Variants in RASEF observed in about 807,000 individuals in gnomAD.
The protein encoded by RASEF is RAS and EF-hand domain containing, also known as ras and EF-hand domain-containing protein.
A neutral mutation model predicts 90.1 loss-of-function variants in RASEF; 68 were observed. The ratio of observed to expected loss-of-function variants is 0.75; its 90% CI spans 0.62 to 0.92. The LOEUF (loss-of-function observed/expected upper bound fraction) is 0.92, where lower values mean the gene tolerates loss of function less well. Ranked by LOEUF, RASEF falls within the 40% of genes least tolerant of loss-of-function variation. RASEF has a pLI of 0.00. For missense variants in RASEF, 949 were observed against 937.2 expected (o/e 1.01, Z -0.16); for synonymous variants, 331 against 345.2 (o/e 0.96, Z 0.46).
chr9:83,093,193 G>A, the RASEF span, among the ~76,000 whole-genome samples: 1 of 152,192 alleles, frequency 6.6e-6, no homozygotes. Context: ...AGACATAAAG[G>A]TTCTCCACCT....
intron 1 of RASEF, among the ~76,000 whole-genome samples, chr9:83,059,648 C>G (rs1255932565): frequency 6.6e-6 from 1 of 152,156 alleles, no homozygotes; most frequent in African/African-American, 2.4e-5. Context: ...ACTTCCAGGA[C>G]TTTTCTTGGC....
At chr9:82,997,486 A>T (rs2118423740) in intron 13 of RASEF, among the ~76,000 whole-genome samples, 1 of 152,274 alleles carries the variant, frequency 6.6e-6, no homozygotes, top group South Asian at 2.1e-4. Flanking sequence ...CTGGAAGGAG[A>T]TACGAACTAG....
intron 16 of RASEF, among the ~76,000 whole-genome samples, chr9:82,984,745 A>G (rs1398464604): frequency 2.0e-5 from 3 of 152,206 alleles, no homozygotes; most frequent in Non-Finnish European, 4.4e-5. Context: ...CATTACAAGG[A>G]CAACGGAAGA....
chr9:83,080,181 T>C, the RASEF span, among the ~76,000 whole-genome samples: 2 of 152,282 alleles, frequency 1.3e-5, no homozygotes, highest in Non-Finnish European at 2.9e-5. Context: ...ATGCAAAAAT[T>C]ATGGAACTGT....
intron 1 of RASEF, among the ~76,000 whole-genome samples, chr9:83,028,318 C>T (rs1173097383): frequency 6.6e-6 from 1 of 152,150 alleles, no homozygotes; most frequent in African/African-American, 2.4e-5. Flanking sequence ...TGTCTCCTGC[C>T]CCTGACATGG....
chr9:83,197,982 G>A, the RASEF span, among the ~76,000 whole-genome samples: 2 of 152,170 alleles, frequency 1.3e-5, no homozygotes, highest in Admixed American at 6.5e-5. Flanking sequence ...ACTTATCAGA[G>A]AGAATCATCT....
chr9:83,147,042 A>G, the RASEF span, among the ~76,000 whole-genome samples: 49,259 of 109,588 alleles, frequency 0.45, 8,511 homozygotes, highest in Middle Eastern at 0.5. Flanking sequence ...ATATATATGT[A>G]TATATATATA....
the RASEF span, among the ~76,000 whole-genome samples, chr9:83,137,451 T>C: frequency 6.6e-6 from 1 of 152,224 alleles, no homozygotes; most frequent in African/African-American, 2.4e-5. Flanking sequence ...TAAAAGTTAA[T>C]CTTGAAAAAC....
chr9:83,193,704 C>T, the RASEF span, among the ~76,000 whole-genome samples: 1 of 152,228 alleles, frequency 6.6e-6, no homozygotes, highest in South Asian at 2.1e-4. Flanking sequence ...CTAGGAGAAT[C>T]ATATATATCT....
At position 82,982,844 on chromosome 9, in the gene RASEF, G is replaced by A. The variant is rs570531394; in HGVS notation, c.2118-62C>T. ...GAGAGAGAGAGAGAGGATTACTGAG[G>A]TATAAAAACTAAGCCACAGATGGTT... On this transcript the variant is annotated intron_variant, in intron 16 of 16. Transcript: ENST00000376447. 420 of 948,184 alleles carry A rather than the reference G, an allele frequency of 4.4e-4. 6 individuals carry two copies. In the East Asian group the frequency reaches 9.8e-3, roughly 22 times the overall value. The allele number at this position is 948,184 out of a possible 1,614,324, so 58.7% of individuals were successfully genotyped here. A position where few individuals can be genotyped will look rare whatever the true frequency, so the allele number is the denominator to read the frequency against.
chr9:83,017,253 A>G (rs1829357805), intron 3 of RASEF, among the ~76,000 whole-genome samples: 1 of 150,436 alleles, frequency 6.6e-6, no homozygotes, highest in Non-Finnish European at 1.5e-5. Flanking sequence ...TGGGAGGCCG[A>G]GGCGGGTGGA....
rs534940085 is a variant in RASEF, at chr9:83,028,317, C to A, written c.432-2396G>T. Among the ~76,000 whole-genome samples the A allele has an allele frequency of 2.0e-5, 3 of 152,318 alleles. No homozygotes were observed. In the South Asian group the frequency reaches 6.2e-4, roughly 32 times the overall value. Reference sequence around the variant, plus strand: ...AATGCACAACAACTTCTGTCTCCTGCCCCTGACATGGAGAGATTACTCTTC... The same window carrying A: ...AATGCACAACAACTTCTGTCTCCTGACCCTGACATGGAGAGATTACTCTTC... On this transcript the variant is annotated intron_variant, in intron 1 of 16. Coordinates refer to ENST00000376447, the MANE Select transcript of RASEF (RefSeq NM_152573.4).
At chr9:83,006,207 C>T (rs1244532805) in intron 7 of RASEF, among the ~76,000 whole-genome samples, 1 of 152,204 alleles carries the variant, frequency 6.6e-6, no homozygotes, top group Non-Finnish European at 1.5e-5. Context: ...CTTTGATAGG[C>T]CAATGCTCCC....
chr9:83,025,767 T>C lies in RASEF; in HGVS notation c.578+8A>G. ...CACAGGCCACTTATAAAGGAAGGAC[T>C]TCAATACCTCTTCACCGCAATGGCC... is the stretch of plus-strand genomic sequence containing the variant. On this transcript the variant is annotated splice_region_variant and intron_variant, in intron 2 of 16. Coordinates refer to ENST00000376447, the MANE Select transcript of RASEF (RefSeq NM_152573.4). The C allele has an allele frequency of 1.2e-6, 2 of 1,613,010 alleles. No homozygotes were observed. Among genetic ancestry groups the C allele is most frequent in the African/African-American group, 1.3e-5 (1 of 74,962 alleles).
intron 1 of RASEF, among the ~76,000 whole-genome samples, chr9:83,041,320 G>A (rs187330146): frequency 3.9e-5 from 6 of 152,214 alleles, no homozygotes; most frequent in Admixed American, 6.5e-5. Flanking sequence ...ACATGTCACC[G>A]AGTTTTATAA....
chr9:83,013,558 A>G (rs1343025284), intron 4 of RASEF, among the ~76,000 whole-genome samples: 1 of 152,242 alleles, frequency 6.6e-6, no homozygotes, highest in Non-Finnish European at 1.5e-5. Flanking sequence ...TTTGTAAACT[A>G]TAGCCCTTAA....
intron 15 of RASEF, among the ~76,000 whole-genome samples, chr9:82,991,416 T>C (rs756148132): frequency 1.6e-4 from 24 of 152,192 alleles, no homozygotes; most frequent in Non-Finnish European, 3.2e-4. Context: ...CAAGTTATTT[T>C]TGTGTGCCTG....
At chr9:83,196,612 C>T in the RASEF span, among the ~76,000 whole-genome samples, 3 of 152,138 alleles carry the variant, frequency 2.0e-5, no homozygotes, top group African/African-American at 7.2e-5. Context: ...AATATTAAAA[C>T]CTATTTGTGT....
intron 4 of RASEF, among the ~76,000 whole-genome samples, chr9:83,012,948 G>T (rs1259372087): frequency 6.6e-6 from 1 of 152,152 alleles, no homozygotes; most frequent in African/African-American, 2.4e-5. Context: ...CAGAATTAGT[G>T]TCAGATTCAC....
Sources: gnomAD v4.1 joint callset for allele counts (sites outside exome capture counted in the v4.1 genomes callset) on GRCh38, gnomAD v4.1.1 for gene constraint, MANE v1.5 for transcripts, NCBI Gene and HGNC (gene_info 2026-07-23, HGNC 2026-07-21) for gene names.